ACTN1: variants seen among roughly 807,000 people sequenced by gnomAD.
ACTN1 encodes actinin alpha 1.
A neutral mutation model predicts 119.6 loss-of-function variants in ACTN1; 30 were observed. That is an observed-to-expected ratio of 0.25 (90% confidence interval 0.19 to 0.34). The LOEUF is 0.34. Among genes scored for constraint, ACTN1 ranks in the 10% least tolerant of loss-of-function variants. The probability of loss-of-function intolerance (pLI) is 1.00; values close to 1 mark genes in which losing one functional copy is unlikely to be tolerated. For synonymous variants in ACTN1, 429 were observed against 472.6 expected (o/e 0.91, Z 1.20); for missense variants, 764 against 1,223.4 (o/e 0.62, Z 5.60).
Position 68,879,871 on chromosome 14 carries a change from C to G in ACTN1, c.2280+91G>C, listed in dbSNP as rs2031326896. The G allele has an allele frequency of 1.3e-6, 2 of 1,530,668 alleles. No homozygotes were observed. Among genetic ancestry groups the G allele is most frequent in the South Asian group, 2.5e-5 (2 of 81,158 alleles). The allele number at this position is 1,530,668 out of a possible 1,614,324, so 94.8% of individuals were successfully genotyped here. A position where few individuals can be genotyped will look rare whatever the true frequency, so the allele number is the denominator to read the frequency against. On this transcript the variant is annotated intron_variant, in intron 18 of 21. Transcript: ENST00000394419. This position sits in a 1 kb window ranked among gnomAD's most constrained non-coding sequence, Gnocchi z 4.9. ...TCCCCTTTCTCTCCCTCCTCACTTG[C>G]ATGGCAGCCCACGTCCCGGGGAAGT...
At chr14:68,875,195 A>C in intron 21 of ACTN1, 178 bp from the exon 22 acceptor site, 1 of 1,462,828 alleles carries the variant, frequency 6.8e-7, no homozygotes, top group Non-Finnish European at 9.1e-7. Context: ...TACCGCATAC[A>C]CAACATGTAT....
intron 8 of ACTN1, among the ~76,000 whole-genome samples, chr14:68,901,598 T>C (rs1449681623): frequency 6.6e-6 from 1 of 152,164 alleles, no homozygotes. Flanking sequence ...GGGCAGGAGA[T>C]CTGCATGAGA....
chr14:68,901,223 T>TTTTTGTTTTG (rs1173125757), intron 8 of ACTN1, among the ~76,000 whole-genome samples: 1 of 147,296 alleles, frequency 6.8e-6, no homozygotes, highest in African/African-American at 2.5e-5. Context: ...TTTTGTTTTT[T>TTTTTGTTTTG]TTTTGTTTTG....
At chr14:68,929,554 C>A (rs572710220) in intron 1 of ACTN1, among the ~76,000 whole-genome samples, 1 of 152,230 alleles carries the variant, frequency 6.6e-6, no homozygotes, top group South Asian at 2.1e-4. Flanking sequence ...AGGCTCACAG[C>A]CTGACAAAGG....
At chr14:68,883,097 A>G (rs771899490) in intron 14 of ACTN1, 42 bp from the exon 15 acceptor site, 28 of 1,596,112 alleles carry the variant, frequency 1.8e-5, no homozygotes, top group Non-Finnish European at 2.2e-5. Flanking sequence ...GAACAAAGGG[A>G]GCGCTAGAAG....
intron 8 of ACTN1, among the ~76,000 whole-genome samples, chr14:68,898,430 C>T (rs558311295): frequency 3.4e-4 from 52 of 152,368 alleles, no homozygotes; most frequent in Non-Finnish European, 4.7e-4. Context: ...GTGCACCACA[C>T]GTGCACACAC....
chr14:68,902,021 G>GCTCCA (rs1478261690), intron 8 of ACTN1, among the ~76,000 whole-genome samples: 2 of 152,248 alleles, frequency 1.3e-5, no homozygotes, highest in Non-Finnish European at 2.9e-5. Context: ...CAAAGGTGGG[G>GCTCCA]CTTTATGATG....
intron 1 of ACTN1, among the ~76,000 whole-genome samples, chr14:68,943,783 G>A (rs1167195022): frequency 6.6e-6 from 1 of 152,196 alleles, no homozygotes; most frequent in East Asian, 1.9e-4. Context: ...AAGGAACAAA[G>A]GAACAGGACA....
At chr14:68,910,175 A>G in intron 4 of ACTN1, 133 bp from the exon 5 acceptor site, 1 of 649,466 alleles carries the variant, frequency 1.5e-6, no homozygotes, top group Non-Finnish European at 2.6e-6. Flanking sequence ...CCTGGCCATC[A>G]AGTCTATTCC....
At chr14:68,936,507 T>G in intron 1 of ACTN1, 4 of 314,924 alleles carry the variant, frequency 1.3e-5, no homozygotes, top group Non-Finnish European at 1.8e-5. Flanking sequence ...TACCTTTTTT[T>G]TTTTTTTAAG....
chr14:68,957,101 T>C (rs2036374744), intron 1 of ACTN1, among the ~76,000 whole-genome samples: 1 of 152,164 alleles, frequency 6.6e-6, no homozygotes. Flanking sequence ...AAAGTTCTAA[T>C]CATCCACAGC....
intron 3 of ACTN1, among the ~76,000 whole-genome samples, chr14:68,917,548 A>G (rs1192124526): frequency 1.3e-5 from 2 of 152,156 alleles, no homozygotes; most frequent in African/African-American, 4.8e-5. Context: ...CCATCTGCCC[A>G]TCGCCTTTTA....
intron 6 of ACTN1, among the ~76,000 whole-genome samples, chr14:68,905,665 T>C (rs2033620825): frequency 6.6e-6 from 1 of 152,134 alleles, no homozygotes; most frequent in Non-Finnish European, 1.5e-5. Flanking sequence ...GATGAACTCT[T>C]AGAATGTTAT....
At chr14:68,967,364 T>G (rs1350210180) in intron 1 of ACTN1, among the ~76,000 whole-genome samples, 1 of 152,198 alleles carries the variant, frequency 6.6e-6, no homozygotes, top group Non-Finnish European at 1.5e-5. Flanking sequence ...CACTGGATAC[T>G]CGGTGAATAC....
Position 68,879,996 on chromosome 14 carries a change from T to C in ACTN1, c.2246A>G (p.Asn749Ser). Residue 749 changes from asparagine (N) to serine (S), a missense_variant, in exon 18 of 22, where the codon AAT becomes AGT. Physicochemically the swap from Asn to Ser is conservative, Grantham distance 46. Around this residue, in one of 4 missense-constraint regions of ACTN1, gnomAD observed 544 missense variants for 912.0 expected, o/e 0.60. Transcript: ENST00000394419. This position sits in a 1 kb window ranked among gnomAD's most constrained non-coding sequence, Gnocchi z 4.9. ...GTGGTTGAAGGAGGCCCGGAACTCA[T>C]TCATCTGCTCCTGGCTGATGCCCTT... ...DAKGISQEQMNEFRASFNHFD... is the reference protein window; with the variant it reads ...DAKGISQEQMSEFRASFNHFD... 1 of 1,614,146 alleles carries C rather than the reference T, an allele frequency of 6.2e-7. No homozygotes were observed. The highest frequency in any genetic ancestry group is 1.7e-5 in the Admixed American group (1 of 60,028).
Position 68,882,076 on chromosome 14 carries a change from T to C in ACTN1, c.1953+382A>G, listed in dbSNP as rs1295005317. On this transcript the variant is annotated intron_variant, in intron 16 of 21. Transcript: ENST00000394419. This position sits in a 1 kb window ranked among gnomAD's most constrained non-coding sequence, Gnocchi z 4.5. ...TCAGGCTCCCAAGTAGCTGGGATTA[T>C]AGGCACGCATCATCACACCCGGCTG... is the stretch of plus-strand genomic sequence containing the variant. Among the ~76,000 whole-genome samples, 1 of 151,712 alleles carries C rather than the reference T, an allele frequency of 6.6e-6. No homozygotes were observed. The highest frequency in any genetic ancestry group is 1.5e-5 in the Non-Finnish European group (1 of 67,958).
chr14:68,937,539 A>T (rs951956320), intron 1 of ACTN1, among the ~76,000 whole-genome samples: 3 of 152,248 alleles, frequency 2.0e-5, no homozygotes, highest in Admixed American at 6.5e-5. Context: ...AGTCATAATT[A>T]GGGAGCAGGA....
At chr14:68,973,092 C>T (rs1457108086) in intron 1 of ACTN1, among the ~76,000 whole-genome samples, 1 of 152,130 alleles carries the variant, frequency 6.6e-6, no homozygotes, top group Non-Finnish European at 1.5e-5. Flanking sequence ...CGCCAGATAA[C>T]CCCCTGGTAC....
intron 3 of ACTN1, among the ~76,000 whole-genome samples, chr14:68,918,790 C>A (rs1284864734): frequency 6.6e-6 from 1 of 152,032 alleles, no homozygotes; most frequent in Non-Finnish European, 1.5e-5. Flanking sequence ...GGCAGCACTG[C>A]CGACAGTAAC....
Sources: allele counts gnomAD v4.1 joint callset (sites outside exome capture counted in the v4.1 genomes callset), GRCh38; gene constraint gnomAD v4.1.1; regional missense constraint gnomAD v4.1.1; non-coding constraint Gnocchi (gnomAD v3.1); transcripts MANE v1.5; gene names NCBI Gene and HGNC (gene_info 2026-07-23, HGNC 2026-07-21).